The following ATE1 variants were observed in gnomAD, a reference collection of about 807,000 sequenced individuals.
ATE1 encodes arginyltransferase 1.
Under a neutral mutation model 70.5 loss-of-function variants are expected in ATE1, and 36 were observed. That is an observed-to-expected ratio of 0.51 (90% CI 0.39 to 0.67). The LOEUF (loss-of-function observed/expected upper bound fraction) is 0.67. Among genes scored for constraint, ATE1 ranks in the 30% least tolerant of loss-of-function variants. The probability of loss-of-function intolerance (pLI) is 0.00; values close to 1 mark genes in which losing one functional copy is unlikely to be tolerated. For synonymous variants in ATE1, 232 were observed against 219.3 expected, an observed-to-expected ratio of 1.06 and a Z score of -0.51; for missense variants, 593 against 629.5, an observed-to-expected ratio of 0.94 and a Z score of 0.62.
chr10:121,791,053 T>C (rs1160547813), intron 10 of ATE1, among the ~76,000 whole-genome samples: 20 of 10,968 alleles, frequency 1.8e-3, no homozygotes, highest in East Asian at 1.1e-3. Flanking sequence ...TATATATGTA[T>C]ACGTGTGTGT....
At chr10:121,903,653 C>A (rs965508885) in intron 5 of ATE1, among the ~76,000 whole-genome samples, 2 of 151,984 alleles carry the variant, frequency 1.3e-5, no homozygotes, top group Non-Finnish European at 2.9e-5. Flanking sequence ...CACCACTGCA[C>A]TCCAGCCTGG....
At chr10:121,848,688 A>G (rs1404819950) in intron 8 of ATE1, among the ~76,000 whole-genome samples, 1 of 150,924 alleles carries the variant, frequency 6.6e-6, no homozygotes, top group Admixed American at 6.6e-5. Context: ...AGGCGGGCGG[A>G]TCACCTGAGG....
chr10:121,899,397 C>T (rs1950896275), intron 7 of ATE1, among the ~76,000 whole-genome samples: 1 of 152,156 alleles, frequency 6.6e-6, no homozygotes, highest in African/African-American at 2.4e-5. Flanking sequence ...GTTCTACTAT[C>T]TTCCTTTTTT....
intron 7 of ATE1, among the ~76,000 whole-genome samples, chr10:121,879,421 T>C (rs1054772657): frequency 4.6e-5 from 7 of 152,194 alleles, no homozygotes; most frequent in African/African-American, 1.7e-4. Flanking sequence ...GGCACTATAT[T>C]GCATACTTAT....
In ATE1 at chr10:121,885,503, G is replaced by C. The variant is rs543167626; in HGVS notation, c.942+14363C>G. ...GAGAATAGCATAAACCTGGGAGGTG[G>C]AGCTTGCAGTGAGCCAAGATCGCGC... On this transcript the variant is annotated intron_variant, in intron 7 of 11. Coordinates refer to ENST00000224652, the MANE Select transcript of ATE1 (RefSeq NM_001001976.3). Among the ~76,000 whole-genome samples, 14 of 147,614 alleles carry C rather than the reference G, an allele frequency of 9.5e-5. No individual in the cohort carries two copies. The South Asian group carries it at 1.9e-3, about 20-fold the overall frequency.
intron 10 of ATE1, among the ~76,000 whole-genome samples, chr10:121,804,873 A>G (rs1036962850): frequency 6.6e-6 from 1 of 152,118 alleles, no homozygotes; most frequent in Non-Finnish European, 1.5e-5. Context: ...ACACAACCAT[A>G]GCAGTTTATG....
intron 10 of ATE1, among the ~76,000 whole-genome samples, chr10:121,802,292 T>C (rs1190320127): frequency 1.4e-5 from 2 of 146,956 alleles, no homozygotes; most frequent in Non-Finnish European, 3.0e-5. Flanking sequence ...AGGCTACCCA[T>C]TTGGTCTCAA....
At chr10:121,788,585 GTTAC>G (rs1946306175) in intron 11 of ATE1, among the ~76,000 whole-genome samples, 1 of 152,214 alleles carries the variant, frequency 6.6e-6, no homozygotes, top group Non-Finnish European at 1.5e-5. Context: ...AACTGAAGAA[GTTAC>G]TGCGTCCCTT....
rs369034026 is a variant in ATE1, at chr10:121,927,861, G to A, written c.89C>T (p.Ser30Leu). Reference sequence around the variant, plus strand: ...TCGCTCACCATTGGAGCGGCTGCCCGACTCGTTCTTGCAGTAGCCGCAGCG... The same window carrying A: ...TCGCTCACCATTGGAGCGGCTGCCCAACTCGTTCTTGCAGTAGCCGCAGCG... ...FYRCGYCKNE[S>L]GSRSNGMWAH... Residue 30 changes from serine (S) to leucine (L), a missense_variant, in exon 1 of 12, where the codon TCG becomes TTG. Physicochemically the swap from Ser to Leu is moderately radical, Grantham distance 145. Around this residue, in one of 3 missense-constraint regions of ATE1, gnomAD observed 467 missense variants for 469.6 expected, o/e 0.99. Transcript: ENST00000224652. 16 of 1,579,816 alleles carry A rather than the reference G, an allele frequency of 1.0e-5. No homozygotes were observed. Among genetic ancestry groups the A allele is most frequent in the East Asian group, 2.4e-5 (1 of 42,336 alleles).
intron 10 of ATE1, among the ~76,000 whole-genome samples, chr10:121,833,730 G>A (rs1387691865): frequency 6.6e-6 from 1 of 152,116 alleles, no homozygotes; most frequent in East Asian, 1.9e-4. Context: ...CCATGTTCTA[G>A]GCCACAGATG....
At chr10:121,800,178 T>C (rs1484176635) in intron 10 of ATE1, among the ~76,000 whole-genome samples, 2 of 152,224 alleles carry the variant, frequency 1.3e-5, no homozygotes, top group Admixed American at 1.3e-4. Context: ...TTATACTATT[T>C]TTTAAGTTTA....
At chr10:121,778,494 C>A (rs1375326257) in intron 11 of ATE1, among the ~76,000 whole-genome samples, 1 of 149,288 alleles carries the variant, frequency 6.7e-6, no homozygotes, top group Non-Finnish European at 1.5e-5. Flanking sequence ...TGAAAAGGAT[C>A]GTCATTCAGG....
chr10:121,760,059 T>C (rs1490454580), intron 11 of ATE1, among the ~76,000 whole-genome samples: 1 of 152,242 alleles, frequency 6.6e-6, no homozygotes, highest in Non-Finnish European at 1.5e-5. Context: ...CGTATTTTAC[T>C]GAATATTTTA....
chr10:121,789,381 C>T (rs1166887720), intron 11 of ATE1, among the ~76,000 whole-genome samples: 1 of 142,030 alleles, frequency 7.0e-6, no homozygotes, highest in East Asian at 2.1e-4. Flanking sequence ...TCACTGAAAC[C>T]TCCACCTCCC....
intron 10 of ATE1, among the ~76,000 whole-genome samples, chr10:121,792,245 C>T (rs995446836): frequency 5.3e-5 from 8 of 152,236 alleles, no homozygotes; most frequent in African/African-American, 1.7e-4. Flanking sequence ...CTCCAAGGAA[C>T]AGGAAATGGC....
At chr10:121,903,957 T>C (rs989349615) in intron 5 of ATE1, among the ~76,000 whole-genome samples, 6 of 151,900 alleles carry the variant, frequency 3.9e-5, no homozygotes, top group Non-Finnish European at 7.4e-5. Context: ...TTACCTTTCT[T>C]TGTAGTGTTC....
At chr10:121,838,339 G>A (rs1046051581) in intron 9 of ATE1, among the ~76,000 whole-genome samples, 1 of 149,430 alleles carries the variant, frequency 6.7e-6, no homozygotes, top group Non-Finnish European at 1.5e-5. Context: ...CTTCTCACCA[G>A]CTCACTCCAC....
At chr10:121,795,879 A>G (rs2096150908) in intron 10 of ATE1, among the ~76,000 whole-genome samples, 1 of 152,220 alleles carries the variant, frequency 6.6e-6, no homozygotes, top group African/African-American at 2.4e-5. Context: ...TGTATGAAGA[A>G]TGTAATTACT....
In ATE1 at chr10:121,743,432, A is replaced by T; in HGVS notation, c.*248T>A. ...GAATTTGAGCGTATCTTGCTCTAGA[A>T]AGAATCCTCCAAAATGATAAATCCC... On this transcript the variant is annotated 3_prime_UTR_variant, in exon 12 of 12. Transcript: ENST00000224652. 1.6e-6 allele frequency: 1 copy of T among 625,884 alleles called. No homozygotes were observed. Among genetic ancestry groups the T allele is most frequent in the Non-Finnish European group, 2.2e-6 (1 of 453,936 alleles). 38.8% of individuals were successfully genotyped at this position (625,884 alleles called of 1,614,324 possible).
Sources: gnomAD v4.1 joint callset for allele counts (sites outside exome capture counted in the v4.1 genomes callset) on GRCh38, gnomAD v4.1.1 for gene constraint, gnomAD v4.1.1 regional missense constraint, MANE v1.5 for transcripts, NCBI Gene and HGNC (gene_info 2026-07-23, HGNC 2026-07-21) for gene names.